FAM169A: variants seen among roughly 807,000 people sequenced by gnomAD.
The protein encoded by FAM169A is family with sequence similarity 169 member A.
Under a neutral mutation model 75.7 loss-of-function variants are expected in FAM169A, and 24 were observed. The ratio of observed to expected loss-of-function variants is 0.32; its 90% CI spans 0.23 to 0.45. The LOEUF (loss-of-function observed/expected upper bound fraction) is 0.45, where lower values mean the gene tolerates loss of function less well. FAM169A is among the 20% of genes least tolerant of loss of function. The pLI is 1.00. For missense variants in FAM169A, 673 were observed against 784.0 expected (o/e 0.86, Z 1.69); for synonymous variants, 271 against 271.0 (o/e 1.00, Z 0.00).
chr5:74,783,469 G>T (rs6453084), intron 11 of FAM169A, among the ~76,000 whole-genome samples: 54,094 of 152,096 alleles, frequency 0.36, 12,819 homozygotes, highest in African/African-American at 0.68. Flanking sequence ...AGGGCAATCA[G>T]GGAAAGAACT....
At position 74,796,014 on chromosome 5, in the gene FAM169A, A is replaced by G. The variant is rs1198946918; in HGVS notation, c.1260+16T>C. The G allele has an allele frequency of 3.7e-6, 6 of 1,600,812 alleles. No homozygotes were observed. The highest frequency in any genetic ancestry group is 4.3e-6 in the Non-Finnish European group (5 of 1,176,134). ...AGTTTACTTTTTTTCATTTTGCTGA[A>G]TAAGTGATCTCATACCTTTTCACCA... is the stretch of plus-strand genomic sequence containing the variant. On this transcript the variant is annotated intron_variant, in intron 11 of 12. Coordinates refer to ENST00000687041, the MANE Select transcript of FAM169A (RefSeq NM_001376049.1).
At position 74,866,346 on chromosome 5, in the gene FAM169A, G is replaced by A. The variant is rs888863214; in HGVS notation, c.-185C>T. On this transcript the variant is annotated 5_prime_UTR_variant, in exon 1 of 13. Transcript: ENST00000687041. ...CCGGACGCCCGGCTCCTCGTCGCGG[G>A]TCGGCCGCGGCCCACCGTGCCCTCC... is the stretch of plus-strand genomic sequence containing the variant. 6.1e-6 allele frequency: 6 copies of A among 984,284 alleles called. No individual in the cohort carries two copies. The African/African-American group carries it at 8.8e-5, about 14-fold the overall frequency. The allele number at this position is 984,284 out of a possible 1,614,324, so 61.0% of individuals were successfully genotyped here.
intron 11 of FAM169A, among the ~76,000 whole-genome samples, chr5:74,789,344 G>T (rs1745858469): frequency 6.6e-6 from 1 of 152,208 alleles, no homozygotes; most frequent in South Asian, 2.1e-4. Flanking sequence ...GTCCAGTGGT[G>T]TGGGGCCTGT....
At position 74,788,962 on chromosome 5, in the gene FAM169A, A is replaced by G. The variant is rs1745834400; in HGVS notation, c.1261-5828T>C. ...GGTTTCATTGCTTGAGGAAATTAAC[A>G]TATCTCCTGGTACCTGGTATGCAGC... On this transcript the variant is annotated intron_variant, in intron 11 of 12. Transcript: ENST00000687041. 2.0e-5 allele frequency among the ~76,000 whole-genome samples: 3 copies of G among 152,174 alleles called. No individual in the cohort carries two copies. In the South Asian group the frequency reaches 6.2e-4, roughly 32 times the overall value.
At chr5:74,801,253 T>G (rs1387854071) in intron 9 of FAM169A, among the ~76,000 whole-genome samples, 1 of 152,252 alleles carries the variant, frequency 6.6e-6, no homozygotes, top group Non-Finnish European at 1.5e-5. Flanking sequence ...GTGTAAGTCA[T>G]TCCTCACGTT....
chr5:74,805,377 G>C (rs1746812746), intron 6 of FAM169A, 93 bp from the exon 7 acceptor site: 1 of 1,163,948 alleles, frequency 8.6e-7, no homozygotes, highest in East Asian at 2.4e-5. Flanking sequence ...CTCACTTAAC[G>C]GGGCTAGCAT....
intron 6 of FAM169A, among the ~76,000 whole-genome samples, chr5:74,807,393 GCT>G (rs1468201869): frequency 1.3e-5 from 2 of 152,280 alleles, no homozygotes; most frequent in East Asian, 3.9e-4. Context: ...CGATCACCTG[GCT>G]GACTGGGAGC....
intron 5 of FAM169A, among the ~76,000 whole-genome samples, chr5:74,834,082 T>TGTAACA (rs1287503094): frequency 2.0e-5 from 3 of 152,160 alleles, no homozygotes; most frequent in African/African-American, 7.2e-5. Flanking sequence ...AGAAGGAACC[T>TGTAACA]GTAACAGTAA....
chr5:74,862,840 G>C (rs1205041361), intron 1 of FAM169A, among the ~76,000 whole-genome samples: 1 of 152,082 alleles, frequency 6.6e-6, no homozygotes, highest in African/African-American at 2.4e-5. Flanking sequence ...TAGACCTTAA[G>C]GAATTGTTAA....
At chr5:74,861,753 G>A (rs1469663378) in intron 1 of FAM169A, among the ~76,000 whole-genome samples, 4 of 152,084 alleles carry the variant, frequency 2.6e-5, no homozygotes, top group Non-Finnish European at 5.9e-5. Context: ...CTACCCAGTT[G>A]TATGCTAAAA....
At position 74,778,924 on chromosome 5, in the gene FAM169A, C is replaced by T. The variant is rs1054909548; in HGVS notation, c.*2536G>A. ...AATGCCTTGCAAAAACTACAGATAA[C>T]TGATTAAGTTCATGTAGGTTCCTTA... On this transcript the variant is annotated 3_prime_UTR_variant, in exon 13 of 13. Transcript: ENST00000687041. 2 of 152,062 alleles carry T rather than the reference C, an allele frequency of 1.3e-5. No individual in the cohort carries two copies. The highest frequency in any genetic ancestry group is 4.8e-5 in the African/African-American group (2 of 41,442). The allele number at this position is 152,062 out of a possible 1,614,324, so 9.4% of individuals were successfully genotyped here. A position where few individuals can be genotyped will look rare whatever the true frequency, so the allele number is the denominator to read the frequency against.
intron 6 of FAM169A, among the ~76,000 whole-genome samples, chr5:74,812,445 CTT>C (rs756133796): frequency 6.9e-5 from 10 of 144,328 alleles, no homozygotes; most frequent in Admixed American, 1.4e-4. Flanking sequence ...ACTTTTTAAA[CTT>C]TTTTTTTTTT....
chr5:74,865,930 G>T (rs1334948362), intron 1 of FAM169A: 1 of 152,398 alleles, frequency 6.6e-6, no homozygotes, highest in Non-Finnish European at 1.5e-5. Flanking sequence ...GGCGCACCTG[G>T]GGGCGCCACA....
intron 3 of FAM169A, 152 bp downstream of exon 3, chr5:74,839,922 C>T (rs1200783762): frequency 1.8e-6 from 1 of 545,082 alleles, no homozygotes; most frequent in African/African-American, 1.9e-5. Context: ...AAACATGTAG[C>T]TATAAGCAAT....
Position 74,866,303 on chromosome 5 carries a change from G to C in FAM169A, c.-142C>G. ...AGCTCGCGGCTGCCAGGGCGAGTGC[G>C]GCTGCCTCCCGCTCGCCCCGGACGC... On this transcript the variant is annotated 5_prime_UTR_variant, in exon 1 of 13. Coordinates refer to ENST00000687041, the MANE Select transcript of FAM169A (RefSeq NM_001376049.1). 1.0e-6 allele frequency: 1 copy of C among 984,254 alleles called. No individual in the cohort carries two copies. Among genetic ancestry groups the C allele is most frequent in the South Asian group, 4.7e-5 (1 of 21,288 alleles). The allele number at this position is 984,254 out of a possible 1,614,324, so 61.0% of individuals were successfully genotyped here. A position where few individuals can be genotyped will look rare whatever the true frequency, so the allele number is the denominator to read the frequency against.
chr5:74,851,493 T>C (rs1379526742), intron 1 of FAM169A, among the ~76,000 whole-genome samples: 5 of 152,222 alleles, frequency 3.3e-5, no homozygotes, highest in African/African-American at 1.2e-4. Context: ...TAAATCATTA[T>C]CTTAATATCT....
At chr5:74,829,721 C>T (rs906290890) in intron 5 of FAM169A, among the ~76,000 whole-genome samples, 4 of 152,144 alleles carry the variant, frequency 2.6e-5, no homozygotes, top group African/African-American at 9.7e-5. Context: ...CGCCTATAAT[C>T]CCAGCACTTT....
chr5:74,799,204 G>A lies in FAM169A; in HGVS notation c.1103+1676C>T, dbSNP rs1453246862. The stretch of plus-strand genomic sequence containing the variant: ...CAAGCATGACCACATCGTCACTTGT[G>A]GGGCAGACCACAATGCCTATGTCTG... On this transcript the variant is annotated intron_variant, in intron 10 of 12. Transcript: ENST00000687041. 3 of 1,263,616 alleles carry A rather than the reference G, an allele frequency of 2.4e-6. No homozygotes were observed. In the African/African-American group the frequency reaches 4.4e-5, roughly 19 times the overall value. 78.3% of individuals were successfully genotyped at this position (1,263,616 alleles called of 1,614,324 possible).
At chr5:74,805,085 T>G in intron 7 of FAM169A, 71 bp downstream of exon 7, 1 of 1,369,262 alleles carries the variant, frequency 7.3e-7, no homozygotes, top group East Asian at 2.3e-5. Context: ...AAACTGGACT[T>G]ATGGGCCAGC....
Sources: allele counts gnomAD v4.1 joint callset (sites outside exome capture counted in the v4.1 genomes callset), GRCh38; gene constraint gnomAD v4.1.1; transcripts MANE v1.5; gene names NCBI Gene and HGNC (gene_info 2026-07-23, HGNC 2026-07-21).